Variants in TRPM3 observed in about 807,000 individuals in gnomAD.
TRPM3 encodes long transient receptor potential channel 3.
In TRPM3, 77 loss-of-function variants were observed where a neutral mutation model predicts 181.2. The ratio of observed to expected loss-of-function variants is 0.42; its 90% confidence interval spans 0.35 to 0.51. TRPM3 has a LOEUF of 0.51. Among genes scored for constraint, TRPM3 ranks in the 20% least tolerant of loss-of-function variants. The pLI is 0.01. For synonymous variants in TRPM3, 745 were observed against 796.4 expected (o/e 0.94, Z 1.09); for missense variants, 1,759 against 2,196.7 (o/e 0.80, Z 3.98).
intron 1 of TRPM3, among the ~76,000 whole-genome samples, chr9:71,135,325 T>C (rs1303653403): frequency 6.6e-6 from 1 of 152,172 alleles, no homozygotes; most frequent in Non-Finnish European, 1.5e-5. Context: ...GCAGAAGCCA[T>C]GGAGATTCAA....
intron 22 of TRPM3, among the ~76,000 whole-genome samples, chr9:70,576,339 G>A (rs1386879274): frequency 1.3e-5 from 2 of 152,136 alleles, no homozygotes; most frequent in African/African-American, 2.4e-5. Context: ...AGTGCACTGT[G>A]TCTTGAATAG....
At chr9:71,242,157 G>A (rs553445123) in intron 1 of TRPM3, among the ~76,000 whole-genome samples, 2 of 152,326 alleles carry the variant, frequency 1.3e-5, no homozygotes, top group Non-Finnish European at 2.9e-5. Flanking sequence ...TTGTTCTTCA[G>A]TAGGACAAAG....
At chr9:71,203,481 T>C (rs1357031744) in intron 1 of TRPM3, among the ~76,000 whole-genome samples, 1 of 152,212 alleles carries the variant, frequency 6.6e-6, no homozygotes. Context: ...CACTTGTTTG[T>C]TTAGCCAAAA....
chr9:70,985,925 C>G (rs1248177975), intron 1 of TRPM3, among the ~76,000 whole-genome samples: 1 of 152,108 alleles, frequency 6.6e-6, no homozygotes, highest in African/African-American at 2.4e-5. Context: ...ATAAAGTCAA[C>G]AAAAATTCAG....
At chr9:71,445,065 A>T (rs1378679179) in intron 1 of TRPM3, among the ~76,000 whole-genome samples, 1 of 152,210 alleles carries the variant, frequency 6.6e-6, no homozygotes, top group Non-Finnish European at 1.5e-5. Context: ...TCTGGTTGTC[A>T]TGGTACCCTC....
At chr9:71,409,966 G>T (rs1228960853) in intron 1 of TRPM3, among the ~76,000 whole-genome samples, 1 of 152,068 alleles carries the variant, frequency 6.6e-6, no homozygotes, top group Non-Finnish European at 1.5e-5. Flanking sequence ...ACTCAAAACT[G>T]CACAAATGCA....
chr9:71,196,873 T>TTTATTTTA (rs1211033166), intron 1 of TRPM3, among the ~76,000 whole-genome samples: 2 of 151,854 alleles, frequency 1.3e-5, no homozygotes, highest in Non-Finnish European at 2.9e-5. Context: ...TTCTTTTTAT[T>TTTATTTTA]TTATTATTAT....
At chr9:71,291,932 TCTC>T (rs1287620718) in intron 1 of TRPM3, among the ~76,000 whole-genome samples, 1 of 152,016 alleles carries the variant, frequency 6.6e-6, no homozygotes, top group Non-Finnish European at 1.5e-5. Flanking sequence ...ATAAAGCAAA[TCTC>T]ATCCTGTTTT....
At chr9:71,276,466 A>C (rs73647998) in intron 1 of TRPM3, among the ~76,000 whole-genome samples, 4,499 of 152,232 alleles carry the variant, frequency 0.03, 128 homozygotes, top group East Asian at 0.075. Flanking sequence ...TACAAAAAAA[A>C]CTCCAAGAAT....
intron 1 of TRPM3, among the ~76,000 whole-genome samples, chr9:71,023,701 TAA>T (rs201859225): frequency 2.0e-4 from 25 of 125,756 alleles, no homozygotes; most frequent in Admixed American, 2.5e-4. Flanking sequence ...TGATGCTGAG[TAA>T]AAAAAAAAAA....
intron 1 of TRPM3, among the ~76,000 whole-genome samples, chr9:70,952,128 T>G (rs559310207): frequency 2.6e-5 from 4 of 152,192 alleles, no homozygotes; most frequent in Non-Finnish European, 5.9e-5. Flanking sequence ...CTGCTCACTC[T>G]TTTTCAGCTA....
At chr9:71,202,421 A>C (rs921190688) in intron 1 of TRPM3, among the ~76,000 whole-genome samples, 7 of 151,896 alleles carry the variant, frequency 4.6e-5, no homozygotes, top group Admixed American at 3.9e-4. Context: ...GTTTGTCTCT[A>C]AGTTGGGCCT....
chr9:71,080,132 T>A (rs1379326296), intron 1 of TRPM3, among the ~76,000 whole-genome samples: 1 of 150,482 alleles, frequency 6.6e-6, no homozygotes, highest in Non-Finnish European at 1.5e-5. Context: ...ATCGCACCAA[T>A]GCACTCCAAC....
chr9:70,535,219 A>T lies in TRPM3; in HGVS notation c.*734T>A. 1 of 605,134 alleles carries T rather than the reference A, an allele frequency of 1.7e-6. No individual in the cohort carries two copies. The highest frequency in any genetic ancestry group is 2.8e-6 in the Non-Finnish European group (1 of 359,870). 37.5% of individuals were successfully genotyped at this position (605,134 alleles called of 1,614,324 possible). A position where few individuals can be genotyped will look rare whatever the true frequency, so the allele number is the denominator to read the frequency against. ...CTTGACTTTTGTTTTTTTAACATCA[A>T]CTCTTCTTTCATTTCGATTGCAATA... is the stretch of plus-strand genomic sequence containing the variant. On this transcript the variant is annotated 3_prime_UTR_variant, in exon 26 of 26. Transcript: ENST00000677713.
intron 1 of TRPM3, among the ~76,000 whole-genome samples, chr9:70,887,936 G>A (rs1307610651): frequency 6.6e-6 from 1 of 152,178 alleles, no homozygotes; most frequent in Non-Finnish European, 1.5e-5. Flanking sequence ...TGACAAGTGT[G>A]AATGCCCTAA....
At chr9:70,787,842 AACATATATACAGAAAAGTAC>A (rs1364626759) in intron 6 of TRPM3, among the ~76,000 whole-genome samples, 1 of 145,030 alleles carries the variant, frequency 6.9e-6, no homozygotes, top group Non-Finnish European at 1.5e-5. Context: ...ATTGAAGAAT[AACATATATACAGAAAAGTAC>A]ACACATTATC....
intron 1 of TRPM3, among the ~76,000 whole-genome samples, chr9:71,147,810 A>G (rs916252400): frequency 2.0e-5 from 3 of 152,196 alleles, no homozygotes; most frequent in Non-Finnish European, 4.4e-5. Flanking sequence ...CTCATATCTC[A>G]GACCTCCTGG....
At chr9:71,305,608 A>T (rs1007985286) in intron 1 of TRPM3, among the ~76,000 whole-genome samples, 1 of 152,218 alleles carries the variant, frequency 6.6e-6, no homozygotes, top group African/African-American at 2.4e-5. Context: ...TGTTTTGCTT[A>T]TACAAAATTA....
At chr9:71,316,947 T>A (rs141515384) in intron 1 of TRPM3, among the ~76,000 whole-genome samples, 1 of 152,318 alleles carries the variant, frequency 6.6e-6, no homozygotes, top group Non-Finnish European at 1.5e-5. Flanking sequence ...TCACTTTGAA[T>A]TCTTTTCTAG....
Sources: gnomAD v4.1 joint callset for allele counts (sites outside exome capture counted in the v4.1 genomes callset) on GRCh38, gnomAD v4.1.1 for gene constraint, MANE v1.5 for transcripts, NCBI Gene and HGNC (gene_info 2026-07-23, HGNC 2026-07-21) for gene names.